RASSF3: variants seen among roughly 807,000 people sequenced by gnomAD.
RASSF3 encodes Ras association domain family member 3.
Under a neutral mutation model 19.9 loss-of-function variants are expected in RASSF3, and 19 were observed. The ratio of observed to expected loss-of-function variants is 0.96; its 90% CI spans 0.67 to 1.40. RASSF3 has a LOEUF of 1.40. Among genes scored for constraint, RASSF3 ranks in the 40% most tolerant of loss-of-function variants. RASSF3 has a pLI of 0.00. For missense variants in RASSF3, 306 were observed against 289.8 expected (o/e 1.06, Z -0.41); for synonymous variants, 110 against 104.2 (o/e 1.06, Z -0.34).
At chr12:64,563,084 C>T (rs543409013) in intron 2 of RASSF3, among the ~76,000 whole-genome samples, 34 of 152,324 alleles carry the variant, frequency 2.2e-4, no homozygotes, top group African/African-American at 7.7e-4. Flanking sequence ...ATATAACAGC[C>T]TCCTATCTTT....
chr12:64,556,315 A>C (rs1174596500), intron 2 of RASSF3, among the ~76,000 whole-genome samples: 1 of 152,022 alleles, frequency 6.6e-6, no homozygotes, highest in African/African-American at 2.4e-5. Context: ...CACCACACCC[A>C]GCTAATTTTT....
intron 1 of RASSF3, among the ~76,000 whole-genome samples, chr12:64,514,845 T>C (rs1466013520): frequency 1.3e-5 from 2 of 152,140 alleles, no homozygotes; most frequent in African/African-American, 4.8e-5. Flanking sequence ...ATTATCTGTC[T>C]CTATCTTCCC....
chr12:64,571,548 A>G (rs762374750), intron 2 of RASSF3, among the ~76,000 whole-genome samples: 1 of 152,102 alleles, frequency 6.6e-6, no homozygotes, highest in Non-Finnish European at 1.5e-5. Context: ...AAGCTTCCTG[A>G]TCATTCAGCA....
At chr12:64,608,414 C>T (rs958997891), upstream of RASSF3, among the ~76,000 whole-genome samples, 1 of 152,096 alleles carries the variant, frequency 6.6e-6, no homozygotes, top group African/African-American at 2.4e-5. Flanking sequence ...TAGGCCACTC[C>T]GGGTTCAAGC....
chr12:64,544,390 G>A (rs896807172), downstream of RASSF3, among the ~76,000 whole-genome samples: 3 of 152,200 alleles, frequency 2.0e-5, no homozygotes, highest in Admixed American at 6.5e-5. Context: ...CTCCAGACAT[G>A]CTGCTTTCAA....
chr12:64,549,056 G>A (rs748203011), intron 2 of RASSF3, among the ~76,000 whole-genome samples: 3 of 152,294 alleles, frequency 2.0e-5, no homozygotes, highest in African/African-American at 7.2e-5. Context: ...AGTGGGGTAC[G>A]ATAGCCCAAC....
At chr12:64,588,824 C>T (rs1869862262) in intron 2 of RASSF3, among the ~76,000 whole-genome samples, 2 of 152,038 alleles carry the variant, frequency 1.3e-5, no homozygotes, top group Non-Finnish European at 2.9e-5. Context: ...TTTTTCCATC[C>T]ACTTGAGTGG....
chr12:64,579,205 C>G (rs563061838), intron 2 of RASSF3, among the ~76,000 whole-genome samples: 2 of 152,110 alleles, frequency 1.3e-5, no homozygotes, highest in African/African-American at 4.8e-5. Context: ...AAGTCTGCAC[C>G]TTTTTTCAGC....
intron 2 of RASSF3, among the ~76,000 whole-genome samples, chr12:64,687,057 TA>T (rs1433397724): frequency 6.6e-6 from 1 of 151,708 alleles, no homozygotes. Context: ...CGTAATCTCG[TA>T]ATCTCGGCTC....
chr12:64,532,737 G>A (rs1868740652), upstream of RASSF3, among the ~76,000 whole-genome samples: 1 of 151,944 alleles, frequency 6.6e-6, no homozygotes, highest in Non-Finnish European at 1.5e-5. Context: ...TTGGGAGGCT[G>A]AGGTAGGAGG....
intron 2 of RASSF3, among the ~76,000 whole-genome samples, chr12:64,558,191 C>T (rs1869284438): frequency 6.6e-6 from 1 of 152,108 alleles, no homozygotes; most frequent in Admixed American, 6.6e-5. Context: ...GCTAAATCAG[C>T]CTTGATATGT....
In RASSF3 at chr12:64,610,763, C is replaced by A; in HGVS notation, c.111+20C>A. On this transcript the variant is annotated intron_variant, in intron 1 of 4. Transcript: ENST00000542104. ...CAACAAGTGAGTGGCGCGCGGCGGG[C>A]GCTGCAGCCCGCGCCCCAGAGTTCC... is the stretch of plus-strand genomic sequence containing the variant. 6.6e-7 allele frequency: 1 copy of A among 1,519,976 alleles called. No individual in the cohort carries two copies. The highest frequency in any genetic ancestry group is 9.0e-7 in the Non-Finnish European group (1 of 1,115,186). 94.2% of individuals were successfully genotyped at this position (1,519,976 alleles called of 1,614,324 possible).
At chr12:64,509,519 A>T (rs1424635015) in intron 1 of RASSF3, among the ~76,000 whole-genome samples, 3 of 152,176 alleles carry the variant, frequency 2.0e-5, no homozygotes, top group Admixed American at 2.0e-4. Context: ...AAACTATTAC[A>T]TAGGCAGAAC....
chr12:64,626,719 G>C (rs932007878), intron 1 of RASSF3, among the ~76,000 whole-genome samples: 56 of 152,018 alleles, frequency 3.7e-4, no homozygotes, highest in African/African-American at 1.3e-3. Context: ...ATTCTACCAT[G>C]CCTGGCTAAT....
rs1015389809 is a variant in RASSF3 at position 64,677,749 on chromosome 12, C to G, written c.112-7038C>G. 4.6e-5 allele frequency among the ~76,000 whole-genome samples: 7 copies of G among 152,214 alleles called. No homozygotes were observed. In the South Asian group the frequency reaches 6.2e-4, roughly 14 times the overall value. Reference sequence around the variant, plus strand: ...CTCCTAGGGCTTTGTAGGTTTAGCTCTGTGTGACAGTTCTCTTTGTATTCA... The same window carrying G: ...CTCCTAGGGCTTTGTAGGTTTAGCTGTGTGTGACAGTTCTCTTTGTATTCA... On this transcript the variant is annotated intron_variant, in intron 1 of 4. Coordinates refer to ENST00000542104, the MANE Select transcript of RASSF3 (RefSeq NM_178169.4).
At chr12:64,565,569 C>T (rs749605182) in intron 2 of RASSF3, among the ~76,000 whole-genome samples, 18 of 152,060 alleles carry the variant, frequency 1.2e-4, no homozygotes, top group South Asian at 2.1e-4. Flanking sequence ...AAAAATTAGA[C>T]GGCTGCAGTG....
rs60003798 is a variant in RASSF3 at position 64,648,802 on chromosome 12, A to ATTTTTTTTTTTTTT, written c.112-35978_112-35965dup. 4.7e-4 allele frequency among the ~76,000 whole-genome samples: 49 copies of ATTTTTTTTTTTTTT among 104,992 alleles called. 1 individual carries two copies. The highest frequency in any genetic ancestry group is 1.8e-3 in the African/African-American group (47 of 25,670). The allele number at this position is 104,992 out of a possible 152,430, so 68.9% of individuals were successfully genotyped here. ...GGCCAAGCTTCTTGTTTTTACATTG[A>ATTTTTTTTTTTTTT]TTTTTTTTTTTTTTTTTTTTAGAGA... On this transcript the variant is annotated intron_variant, in intron 1 of 4. Transcript: ENST00000542104.
At chr12:64,526,826 G>A (rs753184988) in intron 1 of RASSF3, among the ~76,000 whole-genome samples, 4 of 152,162 alleles carry the variant, frequency 2.6e-5, no homozygotes, top group East Asian at 1.9e-4. Context: ...GATTACAGGC[G>A]TGAGCCACTG....
intron 2 of RASSF3, among the ~76,000 whole-genome samples, chr12:64,564,609 C>T (rs1292285176): frequency 3.3e-5 from 5 of 151,970 alleles, no homozygotes; most frequent in Non-Finnish European, 5.9e-5. Context: ...CTCAAACTTC[C>T]GACCTCAGGT....
Sources: gnomAD v4.1 joint callset for allele counts (sites outside exome capture counted in the v4.1 genomes callset) on GRCh38, gnomAD v4.1.1 for gene constraint, MANE v1.5 for transcripts, NCBI Gene and HGNC (gene_info 2026-07-23, HGNC 2026-07-21) for gene names.